TFB1M: variants seen among roughly 807,000 people sequenced by gnomAD.
The protein encoded by TFB1M is transcription factor B1, mitochondrial, also known as dimethyladenosine transferase 1, mitochondrial.
In TFB1M, 27 loss-of-function variants were observed where a neutral mutation model predicts 31.1. That is an observed-to-expected ratio of 0.87 (90% CI 0.64 to 1.20). The LOEUF is 1.20. TFB1M is among the 50% of genes most tolerant of loss of function. The pLI, the probability that TFB1M is intolerant of heterozygous loss-of-function variation, is 0.00. For missense variants in TFB1M, 394 were observed against 418.7 expected (o/e 0.94, Z 0.51); for synonymous variants, 166 against 151.8 (o/e 1.09, Z -0.69).
intron 2 of TFB1M, chr6:155,310,721 G>T (rs147787953): frequency 7.5e-5 from 12 of 161,022 alleles, no homozygotes; most frequent in South Asian, 1.6e-4. Context: ...GAATGCTTAA[G>T]CTTCATAATT....
chr6:155,282,595 T>C (rs1179918427), intron 5 of TFB1M, among the ~76,000 whole-genome samples: 2 of 152,202 alleles, frequency 1.3e-5, no homozygotes, highest in African/African-American at 4.8e-5. Context: ...GCGCTTAGCT[T>C]ATCTTACCTT....
chr6:155,280,407 A>T (rs763881869), intron 5 of TFB1M, among the ~76,000 whole-genome samples: 6 of 152,182 alleles, frequency 3.9e-5, no homozygotes, highest in Non-Finnish European at 8.8e-5. Context: ...CCTTGCCTCA[A>T]GGGAACACAG....
chr6:155,272,302 T>C (rs1396476388), intron 5 of TFB1M, among the ~76,000 whole-genome samples: 2 of 152,226 alleles, frequency 1.3e-5, no homozygotes, highest in Non-Finnish European at 2.9e-5. Context: ...AATATTATTT[T>C]TGATATAAAT....
the TFB1M span, among the ~76,000 whole-genome samples, chr6:155,244,486 TCTA>T: frequency 6.6e-6 from 1 of 152,244 alleles, no homozygotes; most frequent in Non-Finnish European, 1.5e-5. Context: ...TGTGAAACTT[TCTA>T]TGTATAAGCC....
chr6:155,268,234 T>C (rs1270323295), intron 5 of TFB1M, among the ~76,000 whole-genome samples: 1 of 152,194 alleles, frequency 6.6e-6, no homozygotes, highest in Non-Finnish European at 1.5e-5. Flanking sequence ...CTCCACACCA[T>C]AGCCAAGTGC....
the TFB1M span, among the ~76,000 whole-genome samples, chr6:155,241,988 G>A: frequency 1.3e-5 from 2 of 152,216 alleles, no homozygotes; most frequent in East Asian, 3.9e-4. Context: ...AGTGTTGTTA[G>A]AATTTCCTGT....
At chr6:155,271,816 C>T (rs1784933428) in intron 5 of TFB1M, among the ~76,000 whole-genome samples, 1 of 152,090 alleles carries the variant, frequency 6.6e-6, no homozygotes, top group Non-Finnish European at 1.5e-5. Flanking sequence ...GAAAAGAAGG[C>T]CTTTTTGTGA....
the TFB1M span, chr6:155,249,834 G>C: frequency 1.3e-6 from 2 of 1,564,782 alleles, no homozygotes; most frequent in East Asian, 4.5e-5. Context: ...AAATAAATAT[G>C]ATTTCATATC....
the TFB1M span, among the ~76,000 whole-genome samples, chr6:155,247,705 T>C: frequency 2.6e-5 from 4 of 152,230 alleles, no homozygotes; most frequent in Non-Finnish European, 1.5e-5. Flanking sequence ...TGGGTATGCA[T>C]GAAATGTGTC....
intron 4 of TFB1M, among the ~76,000 whole-genome samples, chr6:155,289,159 TGA>T (rs1776792572): frequency 6.6e-6 from 1 of 151,608 alleles, no homozygotes. Flanking sequence ...TCAGGGACAA[TGA>T]GAACTATGTA....
Position 155,257,974 on chromosome 6 carries a change from C to CTT in TFB1M, c.901_902dup (p.Ser302ArgfsTer68), listed in dbSNP as rs1784184924. The CTT allele has an allele frequency of 6.2e-7, 1 of 1,614,188 alleles. No homozygotes were observed. The highest frequency in any genetic ancestry group is 8.5e-7 in the Non-Finnish European group (1 of 1,180,036). ...TTTTTCTGTATACATCACAGAGGCTCTTAAAGTGTGAGATGGAGAGCTGGC... is the reference window on the plus strand; with the variant it reads ...TTTTTCTGTATACATCACAGAGGCTCTTTTAAAGTGTGAGATGGAGAGCTGGC... On this transcript the variant is annotated frameshift_variant, in exon 7 of 7. Coordinates refer to ENST00000367166, the MANE Select transcript of TFB1M (RefSeq NM_016020.4). LOFTEE classifies it low-confidence loss of function (END_TRUNC).
the TFB1M span, chr6:155,240,798 A>AGGACACCTGCCACTCCCCAGGGGG: frequency 4.4e-6 from 6 of 1,356,370 alleles, no homozygotes; most frequent in Non-Finnish European, 5.9e-6. Flanking sequence ...ACCTCTGCCC[A>AGGACACCTGCCACTCCCCAGGGGG]GGACACCTGC....
At chr6:155,294,648 C>T (rs970895201) in intron 4 of TFB1M, among the ~76,000 whole-genome samples, 3 of 152,166 alleles carry the variant, frequency 2.0e-5, no homozygotes, top group African/African-American at 7.2e-5. Context: ...ATGTACAAGT[C>T]TGGCAATAGT....
downstream of TFB1M, among the ~76,000 whole-genome samples, chr6:155,252,268 T>C (rs1325918576): frequency 1.3e-5 from 2 of 152,234 alleles, no homozygotes; most frequent in East Asian, 1.9e-4. Flanking sequence ...GCCCAGGAAT[T>C]TGAGACCAGC....
chr6:155,274,772 G>A (rs887482149), intron 5 of TFB1M, among the ~76,000 whole-genome samples: 83 of 152,280 alleles, frequency 5.5e-4, no homozygotes, highest in African/African-American at 1.8e-3. Context: ...GGTTCACTTG[G>A]GCTATGTGCC....
In TFB1M at chr6:155,257,745, CGTCATTCT is replaced by C; in HGVS notation, c.*83_*90del. The stretch of plus-strand genomic sequence containing the variant: ...CACATCTGGTCATTGGCATTTGTAT[CGTCATTCT>C]GTAAAGACAAAAGAGTACCTATATA... On this transcript the variant is annotated 3_prime_UTR_variant, in exon 7 of 7. Transcript: ENST00000367166. 6.7e-7 allele frequency: 1 copy of C among 1,494,912 alleles called. No homozygotes were observed. The allele number at this position is 1,494,912 out of a possible 1,614,324, so 92.6% of individuals were successfully genotyped here. A position where few individuals can be genotyped will look rare whatever the true frequency, so the allele number is the denominator to read the frequency against.
intron 4 of TFB1M, among the ~76,000 whole-genome samples, chr6:155,289,380 C>T (rs1776803677): frequency 6.6e-6 from 1 of 152,172 alleles, no homozygotes; most frequent in Non-Finnish European, 1.5e-5. Context: ...TGTAACTACT[C>T]CATGACCTTC....
chr6:155,272,416 T>C (rs1784963573), intron 5 of TFB1M, among the ~76,000 whole-genome samples: 1 of 152,100 alleles, frequency 6.6e-6, no homozygotes, highest in African/African-American at 2.4e-5. Flanking sequence ...CTGTTCTGTG[T>C]GCACTGTGTT....
At chr6:155,268,757 T>C (rs9371875) in intron 5 of TFB1M, among the ~76,000 whole-genome samples, 47,263 of 148,736 alleles carry the variant, frequency 0.32, 7,676 homozygotes, top group African/African-American at 0.37. Flanking sequence ...GCAGCATGCT[T>C]GCTAAGAGTC....
Sources: gnomAD v4.1 joint callset for allele counts (sites outside exome capture counted in the v4.1 genomes callset) on GRCh38, gnomAD v4.1.1 for gene constraint, MANE v1.5 for transcripts, NCBI Gene and HGNC (gene_info 2026-07-23, HGNC 2026-07-21) for gene names.